Variants in MAPK10 observed in about 807,000 individuals in gnomAD.
MAPK10 encodes JNK3 alpha protein kinase.
Under a neutral mutation model 59.3 loss-of-function variants are expected in MAPK10, and 25 were observed. That is an observed-to-expected ratio of 0.42 (90% CI 0.31 to 0.59). The LOEUF (loss-of-function observed/expected upper bound fraction) is 0.59. Among genes scored for constraint, MAPK10 ranks in the 20% least tolerant of loss-of-function variants. The pLI is 0.15. For missense variants in MAPK10, 351 were observed against 568.9 expected (o/e 0.62, Z 3.90); for synonymous variants, 190 against 200.5 (o/e 0.95, Z 0.44).
intron 4 of MAPK10, among the ~76,000 whole-genome samples, chr4:86,116,036 T>G (rs1456021028): frequency 6.6e-6 from 1 of 152,232 alleles, no homozygotes; most frequent in Non-Finnish European, 1.5e-5. Context: ...CTGTCTAAAG[T>G]TAAGTCATTG....
intron 11 of MAPK10, among the ~76,000 whole-genome samples, chr4:86,036,752 C>T (rs1243103222): frequency 6.6e-6 from 1 of 152,100 alleles, no homozygotes; most frequent in Non-Finnish European, 1.5e-5. Flanking sequence ...GACCATATTT[C>T]CCAGTTTGTA....
At chr4:86,079,888 A>C (rs2050272105) in intron 9 of MAPK10, 1 of 152,144 alleles carries the variant, frequency 6.6e-6, no homozygotes. Context: ...TGATATTTAA[A>C]TTTAAAAAGG....
Position 86,395,928 on chromosome 4 carries a change from G to T in MAPK10, c.-121-41284C>A, listed in dbSNP as rs1201818006. 2.0e-5 allele frequency among the ~76,000 whole-genome samples: 3 copies of T among 152,162 alleles called. No homozygotes were observed. In the East Asian group the frequency reaches 5.8e-4, roughly 29 times the overall value. Reference sequence around the variant, plus strand: ...GCCCTGCCTCCTAAGGCACACTTTGGGGATTAATGTTTCAACATACGAATT... The same window carrying T: ...GCCCTGCCTCCTAAGGCACACTTTGTGGATTAATGTTTCAACATACGAATT... On this transcript the variant is annotated intron_variant, in intron 1 of 13. Coordinates refer to the MAPK10 transcript ENST00000361569.
intron 9 of MAPK10, among the ~76,000 whole-genome samples, chr4:86,076,018 T>C (rs1336577410): frequency 1.5e-4 from 23 of 151,822 alleles, no homozygotes; most frequent in Non-Finnish European, 1.5e-5. Context: ...CAGTTTGATC[T>C]CAGACTGCTG....
chr4:86,543,841 G>C (rs1565013622), intron 1 of MAPK10, among the ~76,000 whole-genome samples: 1 of 152,072 alleles, frequency 6.6e-6, no homozygotes, highest in African/African-American at 2.4e-5. Context: ...GAAGGGAAAG[G>C]AGAACAGAAA....
chr4:86,505,832 T>C (rs1042143362), intron 1 of MAPK10, among the ~76,000 whole-genome samples: 1 of 152,150 alleles, frequency 6.6e-6, no homozygotes, highest in East Asian at 1.9e-4. Context: ...CTTTAGGTCA[T>C]GAACTAGCCT....
At chr4:86,106,632 C>A (rs2056591950) in intron 5 of MAPK10, among the ~76,000 whole-genome samples, 1 of 151,756 alleles carries the variant, frequency 6.6e-6, no homozygotes, top group African/African-American at 2.4e-5. Flanking sequence ...CTGGTCTACC[C>A]AGCTGAGTTC....
Position 86,443,664 on chromosome 4 carries a change from G to C in MAPK10, c.-122+9366C>G, listed in dbSNP as rs1749684046. Among the ~76,000 whole-genome samples the C allele has an allele frequency of 3.9e-5, 6 of 151,992 alleles. No individual in the cohort carries two copies. In the South Asian group the frequency reaches 1.2e-3, roughly 32 times the overall value. ...CGCATCTTACCACCACATCAGTAAA[G>C]GCTTATTTTTAGCAGTTCCTGCTAC... On this transcript the variant is annotated intron_variant, in intron 1 of 13. Transcript: ENST00000361569.
intron 1 of MAPK10, among the ~76,000 whole-genome samples, chr4:86,542,973 C>T (rs1417993848): frequency 6.6e-6 from 1 of 152,178 alleles, no homozygotes; most frequent in Non-Finnish European, 1.5e-5. Flanking sequence ...TGCTGGGGGG[C>T]ACCTTGAGCA....
At chr4:86,142,510 G>C (rs2063864654) in intron 4 of MAPK10, among the ~76,000 whole-genome samples, 1 of 152,142 alleles carries the variant, frequency 6.6e-6, no homozygotes, top group Non-Finnish European at 1.5e-5. Context: ...TGGGAAAACA[G>C]GGTGAGGGAG....
At chr4:86,195,172 G>A (rs548878834) in intron 2 of MAPK10, among the ~76,000 whole-genome samples, 211 of 152,260 alleles carry the variant, frequency 1.4e-3, no homozygotes, top group African/African-American at 5.0e-3. Flanking sequence ...TAGGTACTAA[G>A]TTATTTGAGA....
chr4:86,353,406 C>T (rs573087623), intron 2 of MAPK10, among the ~76,000 whole-genome samples: 4 of 152,264 alleles, frequency 2.6e-5, no homozygotes, highest in Admixed American at 2.6e-4. Context: ...ACATGGTATG[C>T]TTTCTACATC....
intron 4 of MAPK10, among the ~76,000 whole-genome samples, chr4:86,153,742 C>A (rs1287232124): frequency 6.6e-6 from 1 of 152,024 alleles, no homozygotes; most frequent in Non-Finnish European, 1.5e-5. Flanking sequence ...ATATGTGTGG[C>A]CTGTACTGTG....
rs1240269764 is a variant in MAPK10, at chr4:86,288,861, C to G, written c.-7+65669G>C. 4.6e-5 allele frequency among the ~76,000 whole-genome samples: 7 copies of G among 150,564 alleles called. No homozygotes were observed. In the South Asian group the frequency reaches 6.3e-4, roughly 14 times the overall value. On this transcript the variant is annotated intron_variant, in intron 2 of 13. Transcript: ENST00000641462. ...AATCATTCATTCTACAAATAATTAT[C>G]AAGAACTTGATATGTGCCAGGCACC...
At chr4:86,385,368 A>C (rs986633048) in intron 1 of MAPK10, among the ~76,000 whole-genome samples, 11 of 152,202 alleles carry the variant, frequency 7.2e-5, no homozygotes, top group Non-Finnish European at 1.2e-4. Flanking sequence ...AAAACTTGGC[A>C]TTAGAAATGG....
intron 4 of MAPK10, among the ~76,000 whole-genome samples, chr4:86,143,906 C>G (rs1192350404): frequency 6.6e-6 from 1 of 152,096 alleles, no homozygotes; most frequent in East Asian, 1.9e-4. Context: ...AGCTAAAATT[C>G]CTCTGGCATG....
chr4:86,447,809 T>A (rs1750218803), intron 1 of MAPK10, among the ~76,000 whole-genome samples: 2 of 152,344 alleles, frequency 1.3e-5, no homozygotes, highest in South Asian at 4.1e-4. Context: ...TATGTGTGTA[T>A]CTCTAGATTA....
chr4:86,039,099 A>G (rs2040944925), intron 11 of MAPK10, among the ~76,000 whole-genome samples: 1 of 152,216 alleles, frequency 6.6e-6, no homozygotes, highest in African/African-American at 2.4e-5. Flanking sequence ...TTTTAAAAGT[A>G]TGATTTGAGG....
At chr4:86,540,124 A>G (rs1021620136) in intron 1 of MAPK10, among the ~76,000 whole-genome samples, 3 of 152,180 alleles carry the variant, frequency 2.0e-5, no homozygotes, top group African/African-American at 7.2e-5. Flanking sequence ...TGTCTTTGGG[A>G]GAGGAGAAAT....
Sources: gnomAD v4.1 joint callset for allele counts (sites outside exome capture counted in the v4.1 genomes callset) on GRCh38, gnomAD v4.1.1 for gene constraint, MANE v1.5 for transcripts, NCBI Gene and HGNC (gene_info 2026-07-23, HGNC 2026-07-21) for gene names.